The following UPP2 variants were observed in gnomAD, a reference collection of about 807,000 sequenced individuals.
UPP2 encodes the protein UPase 2.
Under a neutral mutation model 26.7 loss-of-function variants are expected in UPP2, and 23 were observed. The ratio of observed to expected loss-of-function variants is 0.86; its 90% CI spans 0.62 to 1.22. UPP2 has a LOEUF of 1.22. Among genes scored for constraint, UPP2 ranks in the 50% most tolerant of loss-of-function variants. UPP2 has a pLI of 0.00. For missense variants in UPP2, 387 were observed against 396.7 expected, an observed-to-expected ratio of 0.98 and a Z score of 0.21; for synonymous variants, 127 against 141.3, an observed-to-expected ratio of 0.90 and a Z score of 0.72.
At chr2:158,047,396 C>A (rs944246302) in intron 3 of UPP2, among the ~76,000 whole-genome samples, 1 of 152,198 alleles carries the variant, frequency 6.6e-6, no homozygotes, top group South Asian at 2.1e-4. Context: ...TTTACTTGAA[C>A]GTCTACCATC....
intron 3 of UPP2, among the ~76,000 whole-genome samples, chr2:158,039,633 C>A (rs1466986298): frequency 6.6e-6 from 1 of 152,166 alleles, no homozygotes; most frequent in Non-Finnish European, 1.5e-5. Context: ...AGTTTTGATT[C>A]TTTCTACTCA....
intron 3 of UPP2, among the ~76,000 whole-genome samples, chr2:158,018,665 G>GTTAGGTGAA (rs1683698328): frequency 6.6e-6 from 1 of 152,184 alleles, no homozygotes; most frequent in Non-Finnish European, 1.5e-5. Flanking sequence ...GTTACTTTAG[G>GTTAGGTGAA]CCATGTTAGG....
At position 158,083,071 on chromosome 2, in the gene UPP2, G is replaced by C. The variant is rs1274364987; in HGVS notation, c.148-18969G>C. On this transcript the variant is annotated intron_variant, in intron 3 of 9. Coordinates refer to the UPP2 transcript ENST00000605860. ...TCAGGAAACAACAGATGCTGGAGAG[G>C]ATGCGGAGAAACAGGAATGCTTTTA... Among the ~76,000 whole-genome samples the C allele has an allele frequency of 2.6e-5, 4 of 152,194 alleles. No individual in the cohort carries two copies. In the South Asian group the frequency reaches 8.3e-4, roughly 31 times the overall value.
At chr2:158,118,755 G>A (rs1290829637) in intron 4 of UPP2, among the ~76,000 whole-genome samples, 1 of 152,038 alleles carries the variant, frequency 6.6e-6, no homozygotes, top group Admixed American at 6.5e-5. Context: ...AAGAGAAATG[G>A]TGGTAGAATT....
At chr2:158,007,952 A>G (rs2105138588) in intron 2 of UPP2, among the ~76,000 whole-genome samples, 1 of 152,306 alleles carries the variant, frequency 6.6e-6, no homozygotes, top group South Asian at 2.1e-4. Context: ...TTCATTAACC[A>G]GATGCTTCTG....
chr2:158,003,945 T>C lies in UPP2; in HGVS notation c.61+8686T>C, dbSNP rs572245944. On this transcript the variant is annotated intron_variant, in intron 2 of 9. Coordinates refer to the UPP2 transcript ENST00000605860. ...AACAAGAAAAATAATATGAGAGCAA[T>C]AGTACTATTTCAAATGGAGTATAGT... is the stretch of plus-strand genomic sequence containing the variant. Among the ~76,000 whole-genome samples the C allele has an allele frequency of 3.3e-5, 5 of 152,236 alleles. No individual in the cohort carries two copies. In the South Asian group the frequency reaches 8.3e-4, roughly 25 times the overall value.
At position 158,134,894 on chromosome 2, in the gene UPP2, T is replaced by G. The variant is rs1683900098; in HGVS notation, c.*4T>G. On this transcript the variant is annotated 3_prime_UTR_variant, in exon 7 of 7. Coordinates refer to ENST00000005756, the MANE Select transcript of UPP2 (RefSeq NM_173355.4). ...GCGGCTTGGACTTTGTGACTAGACG[T>G]CCTAACTGGGCAGCCCAACCCTCCC... 6.2e-7 allele frequency: 1 copy of G among 1,611,878 alleles called. No homozygotes were observed. The highest frequency in any genetic ancestry group is 8.5e-7 in the Non-Finnish European group (1 of 1,179,022).
chr2:158,070,885 G>A (rs940984997), intron 3 of UPP2, among the ~76,000 whole-genome samples: 1 of 152,184 alleles, frequency 6.6e-6, no homozygotes, highest in East Asian at 1.9e-4. Context: ...CACAGTGACT[G>A]TAGGACTTGA....
intron 3 of UPP2, among the ~76,000 whole-genome samples, chr2:158,084,104 G>A (rs1682775429): frequency 6.6e-6 from 1 of 151,988 alleles, no homozygotes; most frequent in African/African-American, 2.4e-5. Context: ...CATGGTGGCT[G>A]TACTAGTTTA....
chr2:158,089,204 G>T (rs1425320044), intron 3 of UPP2, among the ~76,000 whole-genome samples: 2 of 152,044 alleles, frequency 1.3e-5, no homozygotes, highest in Non-Finnish European at 2.9e-5. Flanking sequence ...ATGGAGTTAC[G>T]TTCCCAGGGG....
intron 6 of UPP2, among the ~76,000 whole-genome samples, chr2:158,129,986 C>T (rs956241475): frequency 2.0e-5 from 3 of 152,036 alleles, no homozygotes; most frequent in African/African-American, 7.2e-5. Context: ...GTCGAGGTCT[C>T]ACTTTGTTGC....
chr2:158,024,578 A>C (rs1683806472), intron 3 of UPP2, among the ~76,000 whole-genome samples: 1 of 152,326 alleles, frequency 6.6e-6, no homozygotes, highest in Non-Finnish European at 1.5e-5. Context: ...AAATGTCATC[A>C]GTTTTTAACG....
chr2:158,059,944 G>A (rs1682327347), intron 3 of UPP2, among the ~76,000 whole-genome samples: 1 of 152,154 alleles, frequency 6.6e-6, no homozygotes, highest in Non-Finnish European at 1.5e-5. Context: ...AAGATGTTGG[G>A]AGAATGCATT....
upstream of UPP2, among the ~76,000 whole-genome samples, chr2:158,097,050 A>G (rs749517476): frequency 6.6e-6 from 1 of 151,988 alleles, no homozygotes; most frequent in Non-Finnish European, 1.5e-5. Flanking sequence ...TTTGTAATAT[A>G]TATTAAATAT....
intron 3 of UPP2, among the ~76,000 whole-genome samples, chr2:158,081,153 T>C (rs1317943687): frequency 6.6e-6 from 1 of 152,146 alleles, no homozygotes; most frequent in Non-Finnish European, 1.5e-5. Flanking sequence ...AGAGGAATTG[T>C]ATGAAATGAT....
chr2:158,017,203 A>T lies in UPP2; in HGVS notation c.147+1317A>T, dbSNP rs372247063. On this transcript the variant is annotated intron_variant, in intron 3 of 9. Coordinates refer to the UPP2 transcript ENST00000605860. ...ACCCTGTTAAATAACCAGAGCTTAAATCTTCATCTTGAAATATACAGCTCT... is the reference window on the plus strand; with the variant it reads ...ACCCTGTTAAATAACCAGAGCTTAATTCTTCATCTTGAAATATACAGCTCT... 6.6e-5 allele frequency among the ~76,000 whole-genome samples: 10 copies of T among 152,336 alleles called. No homozygotes were observed. In the South Asian group the frequency reaches 1.4e-3, roughly 22 times the overall value.
rs200852802 is a variant in UPP2 at position 158,114,266 on chromosome 2, TGA to T, written c.181-831_181-830del. ...TGTGGCCTGTGCTTCCTCCTGGGTGTGAGAGTCTGCTACTGCTCACCCTCTTG... is the reference window on the plus strand; with the variant it reads ...TGTGGCCTGTGCTTCCTCCTGGGTGTGAGTCTGCTACTGCTCACCCTCTTG... On this transcript the variant is annotated intron_variant, in intron 2 of 6. Transcript: ENST00000005756. Among the ~76,000 whole-genome samples, 939 of 152,294 alleles carry T rather than the reference TGA, an allele frequency of 6.2e-3. 5 individuals are homozygous for T. The highest frequency in any genetic ancestry group is 0.027 in the Middle Eastern group (8 of 294).
intron 2 of UPP2, among the ~76,000 whole-genome samples, chr2:157,998,897 A>G (rs1683363291): frequency 6.6e-6 from 1 of 152,168 alleles, no homozygotes; most frequent in African/African-American, 2.4e-5. Context: ...AATTTCAGCC[A>G]TATTTCTTCA....
intron 3 of UPP2, among the ~76,000 whole-genome samples, chr2:158,049,698 A>G (rs188164612): frequency 4.3e-4 from 65 of 152,270 alleles, no homozygotes; most frequent in Middle Eastern, 3.4e-3. Context: ...TGACTCATGC[A>G]TTTGGGATCT....
Sources: allele counts gnomAD v4.1 joint callset (sites outside exome capture counted in the v4.1 genomes callset), GRCh38; gene constraint gnomAD v4.1.1; transcripts MANE v1.5; gene names NCBI Gene and HGNC (gene_info 2026-07-23, HGNC 2026-07-21).